Variants in CRADD observed in about 807,000 individuals in gnomAD.
CRADD encodes CARD and death domain containing adaptor protein.
CRADD carries 9 observed loss-of-function variants against 15.5 expected under a neutral mutation model. That is an observed-to-expected ratio of 0.58 (90% confidence interval 0.35 to 1.01). CRADD has a LOEUF of 1.01. Ranked by LOEUF, CRADD falls within the 50% of genes least tolerant of loss-of-function variation. The pLI is 0.02. For synonymous variants in CRADD, 118 were observed against 107.6 expected (o/e 1.10, Z -0.60); for missense variants, 227 against 250.3 (o/e 0.91, Z 0.63).
downstream of CRADD, among the ~76,000 whole-genome samples, chr12:93,855,278 A>G (rs1457921812): frequency 6.6e-6 from 1 of 152,156 alleles, no homozygotes; most frequent in South Asian, 2.1e-4. Flanking sequence ...AGGCAGCAGG[A>G]TGAATCTGTC....
chr12:93,715,399 C>T (rs999994925), intron 2 of CRADD, among the ~76,000 whole-genome samples: 1 of 152,094 alleles, frequency 6.6e-6, no homozygotes, highest in African/African-American at 2.4e-5. Context: ...TCTGAACAGG[C>T]ATTTATTGTA....
chr12:93,789,346 G>C (rs979183538), intron 2 of CRADD, among the ~76,000 whole-genome samples: 1 of 152,148 alleles, frequency 6.6e-6, no homozygotes, highest in African/African-American at 2.4e-5. Flanking sequence ...TGTGCATGCA[G>C]CCTTGACATA....
intron 2 of CRADD, among the ~76,000 whole-genome samples, chr12:93,806,769 A>G (rs1258893197): frequency 6.6e-6 from 1 of 152,156 alleles, no homozygotes; most frequent in African/African-American, 2.4e-5. Flanking sequence ...ATTTTGTGAC[A>G]TGATTTGATG....
intron 2 of CRADD, among the ~76,000 whole-genome samples, chr12:93,773,790 T>G (rs1489944797): frequency 1.4e-5 from 2 of 147,596 alleles, no homozygotes; most frequent in Non-Finnish European, 3.0e-5. Flanking sequence ...TGGCTAGAAC[T>G]CATAGCCATA....
intron 2 of CRADD, among the ~76,000 whole-genome samples, chr12:93,887,696 A>G (rs1027359981): frequency 1.3e-5 from 2 of 152,230 alleles, no homozygotes. Context: ...ACTAAAAGGC[A>G]ACTCATCTTT....
rs187777472 is a variant in CRADD, at chr12:93,765,724, T to G, written c.299-84246T>G. ...GCTATTTCTCATTTTTTTTTCCTAG[T>G]AAAATTTATTTGTTCTTTGTTCTCA... On this transcript the variant is annotated intron_variant, in intron 2 of 2. Coordinates refer to ENST00000332896, the MANE Select transcript of CRADD (RefSeq NM_003805.5). Among the ~76,000 whole-genome samples the G allele has an allele frequency of 1.1e-4, 16 of 152,308 alleles. No homozygotes were observed. In the South Asian group the frequency reaches 1.7e-3, roughly 16 times the overall value.
chr12:93,774,628 G>A (rs1245968261), intron 2 of CRADD, among the ~76,000 whole-genome samples: 1 of 152,208 alleles, frequency 6.6e-6, no homozygotes, highest in Non-Finnish European at 1.5e-5. Context: ...TGGGGAAGAA[G>A]AGGTTTGGTA....
At chr12:93,727,333 T>C (rs938949845) in intron 2 of CRADD, among the ~76,000 whole-genome samples, 1 of 152,178 alleles carries the variant, frequency 6.6e-6, no homozygotes, top group Non-Finnish European at 1.5e-5. Context: ...AGTTGCAAGA[T>C]GACTCCACAG....
intron 2 of CRADD, among the ~76,000 whole-genome samples, chr12:93,882,022 G>T (rs1218895163): frequency 6.6e-6 from 1 of 152,144 alleles, no homozygotes; most frequent in Non-Finnish European, 1.5e-5. Flanking sequence ...TACTTGGGAG[G>T]CTGAGGCAGG....
chr12:93,850,866 G>A (rs1958212897), downstream of CRADD: 2 of 398,956 alleles, frequency 5.0e-6, no homozygotes, highest in Non-Finnish European at 6.8e-6. This position sits in a 1 kb window ranked among gnomAD's most constrained non-coding sequence, Gnocchi z 4.0. Flanking sequence ...AATAGTAACA[G>A]TGAAATGGTT....
chr12:93,851,658 A>G (rs573498175), downstream of CRADD, among the ~76,000 whole-genome samples: 8 of 152,310 alleles, frequency 5.3e-5, no homozygotes, highest in East Asian at 1.5e-3. Context: ...CTGTGGGAGG[A>G]GCTACTATTG....
At chr12:93,841,306 C>A (rs1443003935) in intron 2 of CRADD, among the ~76,000 whole-genome samples, 2 of 152,012 alleles carry the variant, frequency 1.3e-5, no homozygotes, top group African/African-American at 4.8e-5. Context: ...GTATTCTTAC[C>A]CTGTTTGGAA....
chr12:93,689,113 A>G (rs116198638), intron 2 of CRADD, among the ~76,000 whole-genome samples: 74 of 152,338 alleles, frequency 4.9e-4, no homozygotes, highest in Middle Eastern at 3.4e-3. Flanking sequence ...AGTAAAAAAA[A>G]GACTAAATCT....
chr12:93,694,856 A>G (rs1248003228), intron 2 of CRADD, among the ~76,000 whole-genome samples: 1 of 152,246 alleles, frequency 6.6e-6, no homozygotes, highest in Non-Finnish European at 1.5e-5. Context: ...ATGGATTGAA[A>G]GAATTAATAC....
intron 2 of CRADD, among the ~76,000 whole-genome samples, chr12:93,679,357 G>A (rs890377867): frequency 6.6e-6 from 1 of 152,098 alleles, no homozygotes; most frequent in African/African-American, 2.4e-5. Flanking sequence ...GGCCAGGCTG[G>A]TCTCGAACTC....
rs201466116 is a variant in CRADD at position 93,850,099 on chromosome 12, C to T, written c.428C>T (p.Thr143Met). 1.4e-4 allele frequency: 218 copies of T among 1,613,612 alleles called. No homozygotes were observed. The highest frequency in any genetic ancestry group is 4.3e-4 in the African/African-American group (32 of 74,908). Residue 143 changes from threonine (T) to methionine (M), a missense_variant, in exon 3 of 3, where the codon ACG becomes ATG. Transcript: ENST00000332896. The surrounding 1 kb of genome is among the most constrained non-coding windows in gnomAD (Gnocchi z 4.0). ...PMVLSLGLSQTDIYRCKANHP... is the reference protein window; with the variant it reads ...PMVLSLGLSQMDIYRCKANHP... ...GTGCTGTCTCTGGGACTGTCCCAGA[C>T]GGATATCTACCGCTGTAAGGCCAAC...
intron 2 of CRADD, among the ~76,000 whole-genome samples, chr12:93,770,756 TTGGTTATTCTTGA>T (rs1957078368): frequency 6.6e-6 from 1 of 152,248 alleles, no homozygotes; most frequent in South Asian, 2.1e-4. Context: ...CTGGAGATTC[TTGGTTATTCTTGA>T]TCCTTCACAT....
chr12:93,729,980 G>C (rs1956436222), intron 2 of CRADD, among the ~76,000 whole-genome samples: 1 of 152,084 alleles, frequency 6.6e-6, no homozygotes. Flanking sequence ...TCAGACCAAA[G>C]ATATGAAAAG....
chr12:93,820,268 T>A (rs1244165361), intron 2 of CRADD, among the ~76,000 whole-genome samples: 1 of 152,216 alleles, frequency 6.6e-6, no homozygotes, highest in African/African-American at 2.4e-5. Flanking sequence ...GGTTTACCCC[T>A]GCCCCATGGC....
Sources: gnomAD v4.1 joint callset for allele counts (sites outside exome capture counted in the v4.1 genomes callset) on GRCh38, gnomAD v4.1.1 for gene constraint, Gnocchi (gnomAD v3.1) non-coding constraint, MANE v1.5 for transcripts, NCBI Gene and HGNC (gene_info 2026-07-23, HGNC 2026-07-21) for gene names.